Variants in VPS8 observed in about 807,000 individuals in gnomAD.
VPS8 encodes VPS8 subunit of CORVET complex.
In VPS8, 129 loss-of-function variants were observed where a neutral mutation model predicts 216.4. That is an observed-to-expected ratio of 0.60 (90% CI 0.52 to 0.69). The LOEUF (loss-of-function observed/expected upper bound fraction) is 0.69, where lower values mean the gene tolerates loss of function less well. Among genes scored for constraint, VPS8 ranks in the 30% least tolerant of loss-of-function variants. The pLI is 0.00. For missense variants in VPS8, 1,531 were observed against 1,683.5 expected (o/e 0.91, Z 1.59); for synonymous variants, 571 against 565.4 (o/e 1.01, Z -0.14).
chr3:184,868,914 G>T (rs1439123328), intron 18 of VPS8, 32 bp from the exon 19 acceptor site: 4 of 1,573,970 alleles, frequency 2.5e-6, no homozygotes, highest in Admixed American at 1.8e-5. Context: ...GTCAGACAAA[G>T]GGGCCTGGTT....
chr3:184,830,454 T>TCACACACACACACACACA (rs3040915), intron 3 of VPS8, among the ~76,000 whole-genome samples: 96 of 147,796 alleles, frequency 6.5e-4, no homozygotes, highest in African/African-American at 2.2e-3. Context: ...GTTTATCAGT[T>TCACACACACACACACACA]CACACACACA....
At chr3:185,023,590 G>T (rs1039579129) in intron 45 of VPS8, among the ~76,000 whole-genome samples, 4 of 152,014 alleles carry the variant, frequency 2.6e-5, no homozygotes, top group Non-Finnish European at 5.9e-5. Context: ...CCTGGGAGGC[G>T]GAGGTTGCAA....
chr3:184,915,741 G>A (rs1177099367), intron 28 of VPS8, among the ~76,000 whole-genome samples: 5 of 152,148 alleles, frequency 3.3e-5, no homozygotes, highest in African/African-American at 4.8e-5. Flanking sequence ...CCTGGGAGCC[G>A]GAGGGTGCAG....
At chr3:184,924,381 G>A (rs1739180426) in intron 29 of VPS8, among the ~76,000 whole-genome samples, 1 of 152,158 alleles carries the variant, frequency 6.6e-6, no homozygotes, top group African/African-American at 2.4e-5. Context: ...ACCAGGTGCG[G>A]TGGCACACGC....
intron 16 of VPS8, 36 bp downstream of exon 16, chr3:184,863,103 T>C (rs1560435228): frequency 4.4e-6 from 7 of 1,600,566 alleles, no homozygotes; most frequent in Middle Eastern, 3.4e-4. Flanking sequence ...TCCTAGAAAA[T>C]ACTTTGATAA....
At chr3:184,834,533 TTACA>T in intron 4 of VPS8, 112 bp from the exon 5 acceptor site, 2 of 758,346 alleles carry the variant, frequency 2.6e-6, no homozygotes, top group South Asian at 4.1e-5. Flanking sequence ...ATCTAACAAA[TTACA>T]TACAATGTTG....
chr3:184,896,453 C>T (rs1441777644), intron 23 of VPS8, among the ~76,000 whole-genome samples: 1 of 152,120 alleles, frequency 6.6e-6, no homozygotes, highest in African/African-American at 2.4e-5. Context: ...TCCTAGGTTA[C>T]TGCCCTATCT....
rs369814168 is a variant in VPS8, at chr3:184,900,940, C to T, written c.2114C>T (p.Ala705Val). Reference protein sequence around the residue: ...SPMEKLFRVIAPPLNAGKTLT... With the variant: ...SPMEKLFRVIVPPLNAGKTLT... ...ATGCAGAAACTTTTCAGAGTCATTG[C>T]TCCTCCTCTGAATGCAGGAAAAACA... Residue 705 changes from alanine to valine, a missense_variant, in exon 25 of 48, where the codon GCT becomes GTT. Coordinates refer to ENST00000625842, the MANE Select transcript of VPS8 (RefSeq NM_001009921.3). The T allele has an allele frequency of 1.9e-6, 3 of 1,606,044 alleles. No homozygotes were observed. Among genetic ancestry groups the T allele is most frequent in the African/African-American group, 1.3e-5 (1 of 74,422 alleles).
At chr3:184,972,740 A>AC (rs1315374055) in intron 40 of VPS8, among the ~76,000 whole-genome samples, 1 of 152,258 alleles carries the variant, frequency 6.6e-6, no homozygotes, top group Non-Finnish European at 1.5e-5. Flanking sequence ...GGTGGGAGTT[A>AC]CAGCAGTGAA....
intron 45 of VPS8, among the ~76,000 whole-genome samples, chr3:185,021,515 C>T (rs556700409): frequency 6.6e-6 from 1 of 152,180 alleles, no homozygotes; most frequent in Non-Finnish European, 1.5e-5. Flanking sequence ...CTTTGAAAAT[C>T]TGTTTTCTCC....
chr3:184,872,557 G>T (rs1374310196), intron 21 of VPS8, among the ~76,000 whole-genome samples: 3 of 152,026 alleles, frequency 2.0e-5, no homozygotes, highest in Non-Finnish European at 2.9e-5. Context: ...GTCTCATTCT[G>T]TTGGTAAGAG....
At chr3:184,898,397 G>A (rs1376094371) in intron 23 of VPS8, among the ~76,000 whole-genome samples, 168 bp from the exon 24 acceptor site, 1 of 152,208 alleles carries the variant, frequency 6.6e-6, no homozygotes, top group Non-Finnish European at 1.5e-5. Flanking sequence ...TTCACCTACA[G>A]CAGCTCTTAC....
chr3:184,814,106 G>A (rs1577671551), intron 1 of VPS8, among the ~76,000 whole-genome samples: 1 of 152,154 alleles, frequency 6.6e-6, no homozygotes, highest in African/African-American at 2.4e-5. Flanking sequence ...GAATTTCTTA[G>A]GTTTACTGTA....
chr3:184,949,829 G>C (rs1576950006), intron 36 of VPS8, among the ~76,000 whole-genome samples: 1 of 152,104 alleles, frequency 6.6e-6, no homozygotes, highest in African/African-American at 2.4e-5. Context: ...TGAAAGTTCA[G>C]CTTAAAGGCC....
intron 45 of VPS8, among the ~76,000 whole-genome samples, chr3:185,012,658 C>G (rs1755183807): frequency 6.6e-6 from 1 of 150,924 alleles, no homozygotes; most frequent in Admixed American, 6.6e-5. Context: ...TGGCTGATTT[C>G]TCATTTAAAA....
chr3:184,906,878 T>C (rs1245725704), intron 25 of VPS8, among the ~76,000 whole-genome samples: 1 of 152,204 alleles, frequency 6.6e-6, no homozygotes, highest in East Asian at 1.9e-4. Flanking sequence ...TAATTGTGTT[T>C]TCTTTGGAGG....
intron 14 of VPS8, among the ~76,000 whole-genome samples, chr3:184,856,083 G>T (rs1283202853): frequency 2.0e-5 from 3 of 152,188 alleles, no homozygotes; most frequent in Admixed American, 6.5e-5. Flanking sequence ...AGATATGAAT[G>T]TGAATATGTG....
intron 20 of VPS8, 37 bp from the exon 21 acceptor site, chr3:184,870,679 A>C: frequency 6.7e-7 from 1 of 1,489,186 alleles, no homozygotes; most frequent in Non-Finnish European, 9.2e-7. Flanking sequence ...CTTTAGAGAT[A>C]TATTTTAATG....
intron 40 of VPS8, among the ~76,000 whole-genome samples, chr3:184,977,541 G>A (rs1290751678): frequency 6.6e-5 from 10 of 152,052 alleles, no homozygotes; most frequent in Non-Finnish European, 1.2e-4. Flanking sequence ...CTGATATTAA[G>A]AATAATATTT....
Sources: gnomAD v4.1 joint callset for allele counts (sites outside exome capture counted in the v4.1 genomes callset) on GRCh38, gnomAD v4.1.1 for gene constraint, MANE v1.5 for transcripts, NCBI Gene and HGNC (gene_info 2026-07-23, HGNC 2026-07-21) for gene names.